Variants in ANKRD11 observed in about 807,000 individuals in gnomAD.
The protein encoded by ANKRD11 is ankyrin repeat domain 11, also known as ankyrin repeat domain-containing protein 11.
A neutral mutation model predicts 195.7 loss-of-function variants in ANKRD11; 17 were observed. That is an observed-to-expected ratio of 0.09 (90% CI 0.06 to 0.13). The LOEUF is 0.13. Among genes scored for constraint, ANKRD11 ranks in the 10% least tolerant of loss-of-function variants. The pLI is 1.00. For missense variants in ANKRD11, 3,735 were observed against 3,566.1 expected (o/e 1.05, Z -1.21); for synonymous variants, 1,953 against 1,528.1 (o/e 1.28, Z -6.49).
chr16:89,348,641 T>C (rs2039055269), intron 2 of ANKRD11, among the ~76,000 whole-genome samples: 1 of 152,244 alleles, frequency 6.6e-6, no homozygotes, highest in Non-Finnish European at 1.5e-5. Flanking sequence ...CAGGACTATT[T>C]AAGCTATCTA....
chr16:89,357,221 A>G (rs1165880703), intron 2 of ANKRD11, among the ~76,000 whole-genome samples: 1 of 152,148 alleles, frequency 6.6e-6, no homozygotes, highest in African/African-American at 2.4e-5. Flanking sequence ...GGGGTGAGTC[A>G]GCTTCAACAC....
intron 2 of ANKRD11, among the ~76,000 whole-genome samples, chr16:89,394,167 G>T (rs2041324099): frequency 1.3e-5 from 2 of 152,138 alleles, no homozygotes; most frequent in African/African-American, 4.8e-5. Context: ...GTCCTCCTGA[G>T]GTCAACGGGC....
At chr16:89,342,775 C>T (rs988271724) in intron 2 of ANKRD11, among the ~76,000 whole-genome samples, 84 of 152,322 alleles carry the variant, frequency 5.5e-4, no homozygotes, top group African/African-American at 2.0e-3. Flanking sequence ...AGGAAACACA[C>T]AATTGCATGT....
chr16:89,425,641 G>A (rs2930219), intron 1 of ANKRD11, among the ~76,000 whole-genome samples: 79,000 of 151,886 alleles, frequency 0.52, 20,887 homozygotes, highest in Middle Eastern at 0.73. Flanking sequence ...AAGGTGGGCC[G>A]GTTATTTCGA....
chr16:89,327,275 T>A (rs886187733), intron 2 of ANKRD11, among the ~76,000 whole-genome samples: 14 of 151,984 alleles, frequency 9.2e-5, no homozygotes, highest in Non-Finnish European at 1.3e-4. Flanking sequence ...AAACTCACGA[T>A]AAAAATTCCT....
At position 89,340,943 on chromosome 16, in the gene ANKRD11, G is replaced by A. The variant is rs77580808; in HGVS notation, c.-59-23865C>T. 1.4e-4 allele frequency among the ~76,000 whole-genome samples: 22 copies of A among 152,248 alleles called. No homozygotes were observed. The East Asian group carries it at 4.2e-3, about 29-fold the overall frequency. On this transcript the variant is annotated intron_variant, in intron 2 of 12. Coordinates refer to ENST00000301030, the MANE Select transcript of ANKRD11 (RefSeq NM_013275.6). ...CAAATGTGGGCAGTGATGTGGGAGT[G>A]AACATCAGCCAATAGAGTCCTGGAC... is the stretch of plus-strand genomic sequence containing the variant.
intron 2 of ANKRD11, among the ~76,000 whole-genome samples, chr16:89,388,396 C>T (rs2041023200): frequency 6.6e-6 from 1 of 150,386 alleles, no homozygotes; most frequent in African/African-American, 2.5e-5. Flanking sequence ...TCCCAAAGTA[C>T]TGGGATTATA....
At chr16:89,333,807 A>G (rs1287137048) in intron 2 of ANKRD11, among the ~76,000 whole-genome samples, 1 of 152,160 alleles carries the variant, frequency 6.6e-6, no homozygotes, top group Non-Finnish European at 1.5e-5. Flanking sequence ...AATAATACAG[A>G]ACAGGAAACA....
At chr16:89,319,711 A>C (rs569117999) in intron 2 of ANKRD11, among the ~76,000 whole-genome samples, 1 of 152,360 alleles carries the variant, frequency 6.6e-6, no homozygotes, top group East Asian at 1.9e-4. Context: ...GATGTGGATG[A>C]AGCTGGTTTG....
chr16:89,380,264 C>T (rs1427297233), intron 2 of ANKRD11, among the ~76,000 whole-genome samples: 1 of 152,134 alleles, frequency 6.6e-6, no homozygotes, highest in Non-Finnish European at 1.5e-5. Context: ...AGGCATGTGC[C>T]ACGACGCCTG....
chr16:89,482,361 A>G (rs138808164), intron 1 of ANKRD11, among the ~76,000 whole-genome samples: 125 of 152,364 alleles, frequency 8.2e-4, no homozygotes, highest in Non-Finnish European at 1.5e-3. Context: ...GCCCTCATCA[A>G]AACTGCCAAG....
chr16:89,270,794 C>T, intron 12 of ANKRD11, 23 bp downstream of exon 12: 2 of 1,611,262 alleles, frequency 1.2e-6, no homozygotes, highest in Non-Finnish European at 1.7e-6. Flanking sequence ...CCAGGCAGAA[C>T]TGAGGGGACG....
Position 89,317,056 on chromosome 16 carries a change from G to T in ANKRD11, c.-37C>A, listed in dbSNP as rs369685673. ...TCACCCGATCTTCATTTACACGGCC[G>T]GCGCTTCATCATCAACCGTCTGCTT... On this transcript the variant is annotated 5_prime_UTR_variant, in exon 3 of 13. Transcript: ENST00000301030. 2 of 1,595,796 alleles carry T rather than the reference G, an allele frequency of 1.3e-6. No homozygotes were observed. Among genetic ancestry groups the T allele is most frequent in the Admixed American group, 1.7e-5 (1 of 58,424 alleles).
Position 89,275,312 on chromosome 16 carries a change from G to A in ANKRD11, c.7471-121C>T, listed in dbSNP as rs1258805407. 5 of 771,382 alleles carry A rather than the reference G, an allele frequency of 6.5e-6. No individual in the cohort carries two copies. In the Admixed American group the frequency reaches 7.1e-5, roughly 11 times the overall value. 47.8% of individuals were successfully genotyped at this position (771,382 alleles called of 1,614,324 possible). Reference sequence around the variant, plus strand: ...CCACTCCTAGGAGCCTGCCCTGGAGGCCTCCTCCAGTCCCAGCAACAGACA... The same window carrying A: ...CCACTCCTAGGAGCCTGCCCTGGAGACCTCCTCCAGTCCCAGCAACAGACA... On this transcript the variant is annotated intron_variant, in intron 9 of 12. Coordinates refer to ENST00000301030, the MANE Select transcript of ANKRD11 (RefSeq NM_013275.6).
intron 1 of ANKRD11, among the ~76,000 whole-genome samples, chr16:89,472,309 T>G (rs549908416): frequency 6.6e-6 from 1 of 152,126 alleles, no homozygotes; most frequent in South Asian, 2.1e-4. Flanking sequence ...TTTGTGTGGA[T>G]CTGTAGGGAC....
intron 2 of ANKRD11, chr16:89,324,381 C>T (rs754420673): frequency 4.1e-5 from 28 of 691,122 alleles, no homozygotes; most frequent in African/African-American, 9.2e-5. Flanking sequence ...GGCACGTGGG[C>T]GCAAAGTTCT....
At chr16:89,289,054 CG>C (rs1567589430) in intron 6 of ANKRD11, 1 of 317,828 alleles carries the variant, frequency 3.1e-6, no homozygotes, top group African/African-American at 2.1e-5. Flanking sequence ...GTGTCGGAAA[CG>C]GAAACCAAGG....
At chr16:89,464,750 C>T (rs2056825569) in intron 1 of ANKRD11, among the ~76,000 whole-genome samples, 1 of 151,846 alleles carries the variant, frequency 6.6e-6, no homozygotes, top group South Asian at 2.1e-4. Flanking sequence ...TGAAATCAGA[C>T]AAATAACTTA....
intron 2 of ANKRD11, among the ~76,000 whole-genome samples, chr16:89,377,571 G>A (rs1323947916): frequency 1.3e-5 from 2 of 152,126 alleles, no homozygotes; most frequent in Non-Finnish European, 2.9e-5. Flanking sequence ...AAGACAACCT[G>A]GTGGTGATGA....
Sources: allele counts gnomAD v4.1 joint callset (sites outside exome capture counted in the v4.1 genomes callset), GRCh38; gene constraint gnomAD v4.1.1; transcripts MANE v1.5; gene names NCBI Gene and HGNC (gene_info 2026-07-23, HGNC 2026-07-21).